Variants in FMN2 observed in about 807,000 individuals in gnomAD.
The protein encoded by FMN2 is formin 2.
FMN2 carries 51 observed loss-of-function variants against 142.3 expected under a neutral mutation model. The ratio of observed to expected loss-of-function variants is 0.36; its 90% CI spans 0.29 to 0.45. The LOEUF (loss-of-function observed/expected upper bound fraction) is 0.45. Ranked by LOEUF, FMN2 falls within the 20% of genes least tolerant of loss-of-function variation. FMN2 has a pLI of 1.00. For synonymous variants in FMN2, 882 were observed against 869.8 expected (o/e 1.01, Z -0.25); for missense variants, 1,936 against 2,122.8 (o/e 0.91, Z 1.73).
At chr1:240,248,754 G>A (rs1668175344) in intron 6 of FMN2, among the ~76,000 whole-genome samples, 1 of 151,574 alleles carries the variant, frequency 6.6e-6, no homozygotes, top group Admixed American at 6.6e-5. Context: ...TTAAATAATA[G>A]TCATTTTAAC....
At chr1:240,323,143 T>C (rs976957944) in intron 8 of FMN2, among the ~76,000 whole-genome samples, 2 of 150,770 alleles carry the variant, frequency 1.3e-5, no homozygotes, top group African/African-American at 4.9e-5. Flanking sequence ...TTCCTTTTCC[T>C]TTCCTTTCTC....
At chr1:240,280,834 T>TAAAC (rs1669371816) in intron 7 of FMN2, among the ~76,000 whole-genome samples, 1 of 152,154 alleles carries the variant, frequency 6.6e-6, no homozygotes, top group Admixed American at 6.6e-5. Flanking sequence ...AAATCTTATC[T>TAAAC]AAACAGTTGA....
rs548064678 is a variant in FMN2, at chr1:240,320,276, G to A, written c.4216-8800G>A. 1.6e-4 allele frequency among the ~76,000 whole-genome samples: 25 copies of A among 152,204 alleles called. No individual in the cohort carries two copies. The South Asian group carries it at 3.5e-3, about 21-fold the overall frequency. On this transcript the variant is annotated intron_variant, in intron 8 of 17. Coordinates refer to ENST00000319653, the MANE Select transcript of FMN2 (RefSeq NM_020066.5). ...GGAAGTGAAAAAGACTGGGGGAGAG[G>A]GAAGGTTTGTTAGTTGAAAGTTTGG... is the stretch of plus-strand genomic sequence containing the variant.
intron 7 of FMN2, among the ~76,000 whole-genome samples, chr1:240,274,482 A>G (rs1300024189): frequency 2.6e-5 from 4 of 152,092 alleles, no homozygotes; most frequent in East Asian, 1.9e-4. Flanking sequence ...TGGATAAACA[A>G]TGGGGTCTGC....
At chr1:240,245,294 G>A (rs537802757) in intron 6 of FMN2, 1 of 351,996 alleles carries the variant, frequency 2.8e-6, no homozygotes, top group South Asian at 2.1e-5. Flanking sequence ...AGGCAGTACA[G>A]AATGCTGGGC....
intron 8 of FMN2, among the ~76,000 whole-genome samples, chr1:240,302,613 TTAA>T (rs930484196): frequency 1.3e-5 from 2 of 152,060 alleles, no homozygotes; most frequent in African/African-American, 4.8e-5. Context: ...ATATACTATA[TTAA>T]TATAATTTGG....
chr1:240,341,670 T>C (rs1472663138), intron 13 of FMN2, among the ~76,000 whole-genome samples: 1 of 152,212 alleles, frequency 6.6e-6, no homozygotes, highest in African/African-American at 2.4e-5. Context: ...GACTCCCTTC[T>C]TCTGACCCCC....
chr1:240,288,868 C>T (rs1000386580), intron 7 of FMN2, among the ~76,000 whole-genome samples: 1 of 152,064 alleles, frequency 6.6e-6, no homozygotes, highest in African/African-American at 2.4e-5. Context: ...TGAATCCTGC[C>T]AACAGCCTGT....
At chr1:240,385,860 C>T (rs1673390336) in intron 14 of FMN2, among the ~76,000 whole-genome samples, 1 of 151,410 alleles carries the variant, frequency 6.6e-6, no homozygotes, top group Non-Finnish European at 1.5e-5. Context: ...TTATATACAC[C>T]TATATTTCTA....
intron 3 of FMN2, among the ~76,000 whole-genome samples, chr1:240,180,366 C>G (rs1665098134): frequency 6.6e-6 from 1 of 152,092 alleles, no homozygotes; most frequent in Non-Finnish European, 1.5e-5. Context: ...CCATACCACA[C>G]TCTCTTCTAA....
At chr1:240,113,830 T>C (rs1661914351) in intron 1 of FMN2, among the ~76,000 whole-genome samples, 1 of 152,188 alleles carries the variant, frequency 6.6e-6, no homozygotes, top group South Asian at 2.1e-4. Context: ...ACTGTTTGCC[T>C]TCCCACCACA....
intron 4 of FMN2, among the ~76,000 whole-genome samples, chr1:240,192,753 G>T (rs1244647654): frequency 6.6e-6 from 1 of 152,086 alleles, no homozygotes; most frequent in Non-Finnish European, 1.5e-5. Flanking sequence ...GGGAAGAGAA[G>T]ACAGGATACC....
At chr1:240,420,824 CG>C (rs1247607100) in intron 15 of FMN2, among the ~76,000 whole-genome samples, 1 of 152,164 alleles carries the variant, frequency 6.6e-6, no homozygotes, top group Non-Finnish European at 1.5e-5. Context: ...ATCTCAGTCC[CG>C]GTTCTCGCAG....
At chr1:240,256,021 G>A (rs1668440539) in intron 6 of FMN2, among the ~76,000 whole-genome samples, 2 of 152,172 alleles carry the variant, frequency 1.3e-5, no homozygotes, top group Non-Finnish European at 2.9e-5. Flanking sequence ...GTTACTACAA[G>A]GGTGTGATCA....
In FMN2 at chr1:240,371,450, C is replaced by T. The variant is rs575997756; in HGVS notation, c.4858+15542C>T. On this transcript the variant is annotated intron_variant, in intron 14 of 17. Coordinates refer to ENST00000319653, the MANE Select transcript of FMN2 (RefSeq NM_020066.5). ...CTTGTAGCTGAACCTCAATTACATTCTTTAGTGACTGACGTGAATCTTCCA... is the reference window on the plus strand; with the variant it reads ...CTTGTAGCTGAACCTCAATTACATTTTTTAGTGACTGACGTGAATCTTCCA... Among the ~76,000 whole-genome samples, 21 of 152,246 alleles carry T rather than the reference C, an allele frequency of 1.4e-4. No individual in the cohort carries two copies. In the South Asian group the frequency reaches 3.5e-3, roughly 26 times the overall value.
intron 13 of FMN2, among the ~76,000 whole-genome samples, chr1:240,339,161 C>T (rs142598498): frequency 3.4e-4 from 52 of 152,250 alleles, no homozygotes; most frequent in African/African-American, 7.7e-4. Flanking sequence ...CCTAACAGGC[C>T]GCAGACCAGC....
At chr1:240,236,706 G>A (rs1667724756) in intron 6 of FMN2, among the ~76,000 whole-genome samples, 1 of 152,104 alleles carries the variant, frequency 6.6e-6, no homozygotes, top group Non-Finnish European at 1.5e-5. Context: ...CACATCTCGT[G>A]GGAACTAATA....
At chr1:240,314,289 A>G (rs1157458937) in intron 8 of FMN2, among the ~76,000 whole-genome samples, 1 of 152,170 alleles carries the variant, frequency 6.6e-6, no homozygotes, top group African/African-American at 2.4e-5. Flanking sequence ...GAAATATGGC[A>G]TCCATCTGTA....
rs1661074451 is a variant in FMN2 at position 240,093,323 on chromosome 1, A to C, written c.1214A>C (p.Gln405Pro). The C allele has an allele frequency of 2.5e-6, 4 of 1,611,428 alleles. No individual in the cohort carries two copies. Among genetic ancestry groups the C allele is most frequent in the Non-Finnish European group, 3.4e-6 (4 of 1,178,978 alleles). ...ASLPGSPAPS[Q>P]RCFKPYPLIT... Reference sequence around the variant, plus strand: ...CTGCCCGGCAGCCCCGCGCCTAGCCAGCGCTGTTTCAAGCCCTACCCGCTC... The same window carrying C: ...CTGCCCGGCAGCCCCGCGCCTAGCCCGCGCTGTTTCAAGCCCTACCCGCTC... The change falls in exon 1 of 18, where the codon CAG (glutamine) becomes CCG (proline). Residue 405 changes from glutamine (Q) to proline (P), a missense_variant. Gln to Pro is a moderately conservative substitution (Grantham distance 76). Transcript: ENST00000319653.
Sources: allele counts gnomAD v4.1 joint callset (sites outside exome capture counted in the v4.1 genomes callset), GRCh38; gene constraint gnomAD v4.1.1; transcripts MANE v1.5; gene names NCBI Gene and HGNC (gene_info 2026-07-23, HGNC 2026-07-21).